MKLN1: variants seen among roughly 807,000 people sequenced by gnomAD.
MKLN1 encodes muskelin.
In MKLN1, 18 loss-of-function variants were observed where a neutral mutation model predicts 99.0. The observed-to-expected ratio is 0.18, with a 90% confidence interval of 0.13 to 0.27. The LOEUF (loss-of-function observed/expected upper bound fraction) is 0.27. Among genes scored for constraint, MKLN1 ranks in the 10% least tolerant of loss-of-function variants. The probability of loss-of-function intolerance (pLI) is 1.00; values close to 1 mark genes in which losing one functional copy is unlikely to be tolerated. For missense variants in MKLN1, 621 were observed against 875.9 expected (o/e 0.71, Z 3.67); for synonymous variants, 288 against 293.2 (o/e 0.98, Z 0.18).
rs1046771171 is a variant in MKLN1, at chr7:131,426,354, C to A, written c.848-2679C>A. On this transcript the variant is annotated intron_variant, in intron 8 of 17. Transcript: ENST00000352689. ...TTGCTATTGCTATTTTAGTTATATA[C>A]CCCCTCTCCAGGCTTCAGAATTTAA... 3.3e-5 allele frequency among the ~76,000 whole-genome samples: 5 copies of A among 152,278 alleles called. No homozygotes were observed. The East Asian group carries it at 7.7e-4, about 23-fold the overall frequency.
intron 3 of MKLN1, among the ~76,000 whole-genome samples, chr7:131,270,736 G>C (rs1797872211): frequency 6.6e-6 from 1 of 152,098 alleles, no homozygotes; most frequent in Non-Finnish European, 1.5e-5. Context: ...ATAGATATAA[G>C]GTCCCTACCT....
chr7:131,473,598 C>T (rs1251597631), intron 16 of MKLN1, among the ~76,000 whole-genome samples: 1 of 152,106 alleles, frequency 6.6e-6, no homozygotes, highest in Non-Finnish European at 1.5e-5. Flanking sequence ...GAGAAGACTT[C>T]TATAATAGAG....
chr7:131,334,046 A>G (rs577212372), intron 1 of MKLN1, among the ~76,000 whole-genome samples: 1 of 152,226 alleles, frequency 6.6e-6, no homozygotes, highest in Non-Finnish European at 1.5e-5. Context: ...AATGCTCCCA[A>G]TAACTTTTTT....
At chr7:131,390,798 C>G (rs998933722) in intron 4 of MKLN1, among the ~76,000 whole-genome samples, 4 of 152,042 alleles carry the variant, frequency 2.6e-5, no homozygotes, top group African/African-American at 9.6e-5. Flanking sequence ...AACTTTTTAC[C>G]CTTTCACCAA....
chr7:131,136,335 T>C (rs1448579711), intron 1 of MKLN1, among the ~76,000 whole-genome samples: 1 of 152,226 alleles, frequency 6.6e-6, no homozygotes, highest in Admixed American at 6.5e-5. Flanking sequence ...TTGAAAATGC[T>C]GTACTTCAAA....
intron 3 of MKLN1, among the ~76,000 whole-genome samples, chr7:131,215,025 A>G (rs1243148944): frequency 2.0e-5 from 3 of 152,194 alleles, no homozygotes; most frequent in Non-Finnish European, 4.4e-5. Flanking sequence ...GTAGGGTTAC[A>G]GTGGAATTTT....
chr7:131,272,808 A>C (rs982558024), intron 3 of MKLN1, among the ~76,000 whole-genome samples: 3 of 152,160 alleles, frequency 2.0e-5, no homozygotes, highest in African/African-American at 7.2e-5. Flanking sequence ...TATCACGAGA[A>C]TAGTACGGGA....
chr7:131,469,633 A>C lies in MKLN1; in HGVS notation c.1929-1209A>C, dbSNP rs1476272690. 2.6e-5 allele frequency among the ~76,000 whole-genome samples: 4 copies of C among 152,338 alleles called. No homozygotes were observed. The East Asian group carries it at 7.7e-4, about 29-fold the overall frequency. On this transcript the variant is annotated intron_variant, in intron 15 of 17. Coordinates refer to ENST00000352689, the MANE Select transcript of MKLN1 (RefSeq NM_013255.5). ...GTGAAGTACAGAAACCCTGTCACCA[A>C]GGATGCCATCAACCTGAACACCATC...
chr7:131,245,393 G>C (rs969749828), intron 3 of MKLN1, among the ~76,000 whole-genome samples: 1 of 149,264 alleles, frequency 6.7e-6, no homozygotes, highest in African/African-American at 2.5e-5. Flanking sequence ...TCAGCCTCCC[G>C]AGTAGCTGGG....
At chr7:131,329,980 A>T (rs1044296279) in intron 1 of MKLN1, among the ~76,000 whole-genome samples, 9 of 152,256 alleles carry the variant, frequency 5.9e-5, no homozygotes, top group Admixed American at 2.0e-4. Flanking sequence ...TTGTATTTAA[A>T]GTAAAGTATT....
rs773323388 is a variant in MKLN1, at chr7:131,231,035, G to A, written c.-179+28061G>A. ...CTTGGGAGGCCGAGGCACGAGAATCGTTTGAACCTGGGAGGCCGAGGTTGC... is the reference window on the plus strand; with the variant it reads ...CTTGGGAGGCCGAGGCACGAGAATCATTTGAACCTGGGAGGCCGAGGTTGC... On this transcript the variant is annotated intron_variant, in intron 3 of 7. Transcript: ENST00000416992. Among the ~76,000 whole-genome samples, 17 of 136,866 alleles carry A rather than the reference G, an allele frequency of 1.2e-4. No homozygotes were observed. The East Asian group carries it at 1.3e-3, about 10-fold the overall frequency. The allele number at this position is 136,866 out of a possible 152,430, so 89.8% of individuals were successfully genotyped here.
At chr7:131,298,325 T>A (rs1421283138) in intron 3 of MKLN1, among the ~76,000 whole-genome samples, 1 of 151,784 alleles carries the variant, frequency 6.6e-6, no homozygotes, top group Non-Finnish European at 1.5e-5. Context: ...ATGAAAAAAA[T>A]TTGCCAAGGT....
intron 3 of MKLN1, among the ~76,000 whole-genome samples, chr7:131,272,328 C>A (rs145600129): frequency 1.5e-3 from 231 of 152,274 alleles, no homozygotes; most frequent in African/African-American, 5.0e-3. Flanking sequence ...ACAGTATGTG[C>A]AAAGGTTTAT....
chr7:131,136,803 G>A (rs1339354476), intron 1 of MKLN1, among the ~76,000 whole-genome samples: 7 of 152,090 alleles, frequency 4.6e-5, no homozygotes, highest in African/African-American at 9.7e-5. Context: ...AATGCCCTTC[G>A]TCCTGGCATG....
intron 3 of MKLN1, among the ~76,000 whole-genome samples, chr7:131,280,125 T>A (rs1194622970): frequency 6.6e-6 from 1 of 152,204 alleles, no homozygotes. Context: ...TGTTGTAGCA[T>A]CTATCATCAG....
chr7:131,124,480 T>A (rs1372631529), intron 1 of MKLN1, among the ~76,000 whole-genome samples: 1 of 152,208 alleles, frequency 6.6e-6, no homozygotes, highest in East Asian at 1.9e-4. Context: ...GCCCTACTTA[T>A]GGGTCCAACC....
At chr7:131,201,566 C>G (rs1796728601) in intron 2 of MKLN1, among the ~76,000 whole-genome samples, 1 of 152,194 alleles carries the variant, frequency 6.6e-6, no homozygotes, top group Admixed American at 6.5e-5. Flanking sequence ...GGTAATTCAT[C>G]TAACACATTT....
chr7:131,445,328 T>C (rs563906022), intron 11 of MKLN1, among the ~76,000 whole-genome samples: 1 of 152,278 alleles, frequency 6.6e-6, no homozygotes, highest in South Asian at 2.1e-4. Flanking sequence ...GTCTTCCTGC[T>C]CTGTTCCTGC....
upstream of MKLN1, chr7:131,326,804 A>C (rs933632312): frequency 6.6e-6 from 1 of 152,242 alleles, no homozygotes; most frequent in African/African-American, 2.4e-5. Flanking sequence ...GTTTTGACTC[A>C]CTTGGTCATT....
Sources: allele counts gnomAD v4.1 joint callset (sites outside exome capture counted in the v4.1 genomes callset), GRCh38; gene constraint gnomAD v4.1.1; transcripts MANE v1.5; gene names NCBI Gene and HGNC (gene_info 2026-07-23, HGNC 2026-07-21).